The following AFAP1 variants were observed in gnomAD, a reference collection of about 807,000 sequenced individuals.
The protein encoded by AFAP1 is actin filament-associated protein 1.
In AFAP1, 75 loss-of-function variants were observed where a neutral mutation model predicts 93.9. The ratio of observed to expected loss-of-function variants is 0.80; its 90% CI spans 0.66 to 0.97. The LOEUF (loss-of-function observed/expected upper bound fraction) is 0.97. Ranked by LOEUF, AFAP1 falls within the 50% of genes least tolerant of loss-of-function variation. The pLI is 0.00. For synonymous variants in AFAP1, 517 were observed against 430.7 expected (o/e 1.20, Z -2.48); for missense variants, 1,201 against 1,050.8 (o/e 1.14, Z -1.98).
Position 7,939,537 on chromosome 4 carries a change from C to G in AFAP1, c.-3+119G>C. 1 of 366,470 alleles carries G rather than the reference C, an allele frequency of 2.7e-6. No homozygotes were observed. Among genetic ancestry groups the G allele is most frequent in the Non-Finnish European group, 5.3e-6 (1 of 187,074 alleles). The allele number at this position is 366,470 out of a possible 1,614,324, so 22.7% of individuals were successfully genotyped here. On this transcript the variant is annotated intron_variant, in intron 1 of 17. Coordinates refer to ENST00000420658, the MANE Select transcript of AFAP1 (RefSeq NM_001134647.2). This position sits in a 1 kb window ranked among gnomAD's most constrained non-coding sequence, Gnocchi z 5.6. Reference sequence around the variant, plus strand: ...CGGAGCCCCCGGTACCACCCGAGGCCGAGACAAAGCCCAGGCGCACGGACC... The same window carrying G: ...CGGAGCCCCCGGTACCACCCGAGGCGGAGACAAAGCCCAGGCGCACGGACC...
chr4:7,861,433 A>G (rs1715664455), intron 3 of AFAP1, among the ~76,000 whole-genome samples: 1 of 152,228 alleles, frequency 6.6e-6, no homozygotes, highest in African/African-American at 2.4e-5. Context: ...TTCTGAGTAC[A>G]TACTCTTCTT....
intron 12 of AFAP1, among the ~76,000 whole-genome samples, chr4:7,784,052 T>C (rs371936309): frequency 7.2e-6 from 1 of 138,794 alleles, no homozygotes; most frequent in Middle Eastern, 3.6e-3. Flanking sequence ...GGCTGGAATC[T>C]AGGGCAGGAA....
chr4:7,797,599 G>A (rs6829710), intron 10 of AFAP1, among the ~76,000 whole-genome samples: 1 of 152,156 alleles, frequency 6.6e-6, no homozygotes, highest in South Asian at 2.1e-4. Context: ...TCGAGGCAGA[G>A]GGAGCAGGCT....
In AFAP1 at chr4:7,890,046, A is replaced by C. The variant is rs561989220; in HGVS notation, c.-2-17966T>G. 2.0e-5 allele frequency among the ~76,000 whole-genome samples: 3 copies of C among 151,636 alleles called. No homozygotes were observed. The East Asian group carries it at 5.8e-4, about 29-fold the overall frequency. On this transcript the variant is annotated intron_variant, in intron 1 of 17. Transcript: ENST00000420658. ...AAAAGAAGCCAATTCTAAAATAGAC[A>C]AAAACAAAAAGAACAAAGAACTAGA...
chr4:7,865,338 A>C (rs1253851717), intron 3 of AFAP1, among the ~76,000 whole-genome samples: 1 of 152,258 alleles, frequency 6.6e-6, no homozygotes, highest in Non-Finnish European at 1.5e-5. Context: ...GGATTCATTT[A>C]GGCTGGGTAT....
At chr4:7,773,505 A>C (rs1715721943) in intron 15 of AFAP1, 1 of 156,920 alleles carries the variant, frequency 6.4e-6, no homozygotes, top group Non-Finnish European at 1.4e-5. Flanking sequence ...TGCTGCAGTG[A>C]CCTAAGATGC....
rs539274529 is a variant in AFAP1 at position 7,850,028 on chromosome 4, A to C, written c.334+5438T>G. ...GACGAGGAGAGAAGCCCTCAGACGA[A>C]CTTTGGCTTTAACTTTTGAGTGGGA... is the stretch of plus-strand genomic sequence containing the variant. On this transcript the variant is annotated intron_variant, in intron 4 of 17. Transcript: ENST00000420658. Among the ~76,000 whole-genome samples, 8 of 152,196 alleles carry C rather than the reference A, an allele frequency of 5.3e-5. No homozygotes were observed. The South Asian group carries it at 1.5e-3, about 28-fold the overall frequency.
At position 7,869,124 on chromosome 4, in the gene AFAP1, AAG is replaced by A. The variant is rs1193308843; in HGVS notation, c.128-407_128-406del. On this transcript the variant is annotated intron_variant, in intron 2 of 17. Coordinates refer to ENST00000420658, the MANE Select transcript of AFAP1 (RefSeq NM_001134647.2). ...GAAAGGGAAAGGGAAACGGAAAGAAAAGAGAAAAAAGAATAAAAGAGAAAGGG... is the reference window on the plus strand; with the variant it reads ...GAAAGGGAAAGGGAAACGGAAAGAAAAGAAAAAAGAATAAAAGAGAAAGGG... Among the ~76,000 whole-genome samples, 147 of 152,076 alleles carry A rather than the reference AAG, an allele frequency of 9.7e-4. 1 individual carries two copies. Among genetic ancestry groups the A allele is most frequent in the Non-Finnish European group, 2.6e-4 (18 of 67,958 alleles).
At chr4:7,887,656 A>C (rs1232538884) in intron 1 of AFAP1, among the ~76,000 whole-genome samples, 3 of 152,234 alleles carry the variant, frequency 2.0e-5, no homozygotes, top group Non-Finnish European at 4.4e-5. Flanking sequence ...CACTGCCAGC[A>C]CTGCAAACTT....
At chr4:7,789,722 C>T (rs12506820) in intron 11 of AFAP1, among the ~76,000 whole-genome samples, 13,404 of 143,936 alleles carry the variant, frequency 0.093, 799 homozygotes, top group East Asian at 0.18. Context: ...TCTGCACCAG[C>T]CCCTGCTTTC....
chr4:7,855,623 G>A, intron 3 of AFAP1, 49 bp from the exon 4 acceptor site: 4 of 1,425,860 alleles, frequency 2.8e-6, no homozygotes, highest in Non-Finnish European at 9.9e-7. Flanking sequence ...ACCATTAGAA[G>A]GAAATTCTGG....
chr4:7,868,617 C>A lies in AFAP1; in HGVS notation c.225+5G>T. On this transcript the variant is annotated splice_donor_5th_base_variant and intron_variant, in intron 3 of 17. Transcript: ENST00000420658. ...GACCACTGAGATGGTGGGACCTTGA[C>A]TCACCAGCCAGGGCTGAGGGATCTC... 1 of 1,610,598 alleles carries A rather than the reference C, an allele frequency of 6.2e-7. No homozygotes were observed. The highest frequency in any genetic ancestry group is 1.7e-4 in the Middle Eastern group (1 of 6,058).
rs371541411 is a variant in AFAP1 at position 7,827,481 on chromosome 4, G to C, written c.727-8310C>G. Among the ~76,000 whole-genome samples, 7 of 146,180 alleles carry C rather than the reference G, an allele frequency of 4.8e-5. No homozygotes were observed. In the South Asian group the frequency reaches 1.6e-3, roughly 33 times the overall value. ...AGCTACTTGGGAGGCTGAGGCAGGAGAATCGCTTGAACCCGGGAGGTGGAG... is the reference window on the plus strand; with the variant it reads ...AGCTACTTGGGAGGCTGAGGCAGGACAATCGCTTGAACCCGGGAGGTGGAG... On this transcript the variant is annotated intron_variant, in intron 6 of 17. Coordinates refer to ENST00000420658, the MANE Select transcript of AFAP1 (RefSeq NM_001134647.2).
chr4:7,784,703 GTCCATCGTGGC>G (rs1717104663), intron 12 of AFAP1, among the ~76,000 whole-genome samples: 1 of 152,122 alleles, frequency 6.6e-6, no homozygotes, highest in South Asian at 2.1e-4. Flanking sequence ...GACACACTGC[GTCCATCGTGGC>G]TCCTGAGGGA....
At chr4:7,811,378 G>C (rs1419023018) in intron 8 of AFAP1, among the ~76,000 whole-genome samples, 1 of 151,360 alleles carries the variant, frequency 6.6e-6, no homozygotes, top group Non-Finnish European at 1.5e-5. Flanking sequence ...AGAGCGGCCA[G>C]GGACACAAGA....
intron 6 of AFAP1, among the ~76,000 whole-genome samples, chr4:7,828,493 G>A (rs533455841): frequency 2.6e-5 from 4 of 152,278 alleles, no homozygotes; most frequent in South Asian, 2.1e-4. Context: ...TGTGGGAAGC[G>A]GTGATGTAAG....
chr4:7,918,817 TCGGCC>T (rs1720258485), intron 1 of AFAP1, among the ~76,000 whole-genome samples: 3 of 111,442 alleles, frequency 2.7e-5, no homozygotes, highest in African/African-American at 1.2e-4. Context: ...GAAGAGACAC[TCGGCC>T]CAGGTCACCC....
chr4:7,831,330 TC>T (rs1711584332), intron 6 of AFAP1, among the ~76,000 whole-genome samples: 1 of 151,158 alleles, frequency 6.6e-6, no homozygotes, highest in African/African-American at 2.4e-5. Flanking sequence ...CAATTTAAAC[TC>T]TTTAGAAAAG....
intron 1 of AFAP1, among the ~76,000 whole-genome samples, chr4:7,895,622 T>C (rs1420863837): frequency 3.3e-5 from 5 of 152,196 alleles, no homozygotes; most frequent in Admixed American, 2.6e-4. Context: ...TTTAAAATAA[T>C]GTCTCCAGAG....
Sources: allele counts gnomAD v4.1 joint callset (sites outside exome capture counted in the v4.1 genomes callset), GRCh38; gene constraint gnomAD v4.1.1; non-coding constraint Gnocchi (gnomAD v3.1); transcripts MANE v1.5; gene names NCBI Gene and HGNC (gene_info 2026-07-23, HGNC 2026-07-21).